Variants in AKAP13 observed in about 807,000 individuals in gnomAD.
AKAP13 encodes the protein A-kinase anchoring protein 13, also known as A-kinase anchor protein 13.
A neutral mutation model predicts 264.5 loss-of-function variants in AKAP13; 80 were observed. That is an observed-to-expected ratio of 0.30 (90% CI 0.25 to 0.36). AKAP13 has a LOEUF of 0.36. AKAP13 is among the 10% of genes least tolerant of loss of function. The probability of loss-of-function intolerance (pLI) is 1.00; values close to 1 mark genes in which losing one functional copy is unlikely to be tolerated. For missense variants in AKAP13, 3,712 were observed against 3,435.2 expected, an observed-to-expected ratio of 1.08 and a Z score of -2.01; for synonymous variants, 1,380 against 1,250.2, an observed-to-expected ratio of 1.10 and a Z score of -2.19.
At chr15:85,639,323 T>TA in intron 8 of AKAP13, 51 bp from the exon 9 acceptor site, 1 of 1,337,114 alleles carries the variant, frequency 7.5e-7, no homozygotes. Context: ...CCTGTAAAAT[T>TA]ATCTCACATT....
At chr15:85,463,400 C>T (rs1003289543) in intron 1 of AKAP13, among the ~76,000 whole-genome samples, 1 of 152,182 alleles carries the variant, frequency 6.6e-6, no homozygotes, top group Non-Finnish European at 1.5e-5. Flanking sequence ...ACTTTCTTCT[C>T]CCCAATGATC....
Position 85,579,878 on chromosome 15 carries a change from T to A in AKAP13, c.1810T>A (p.Tyr604Asn). The change falls in exon 7 of 37, where the codon TAT becomes AAT. Residue 604 changes from tyrosine to asparagine, a missense_variant. Tyr to Asn is a moderately radical substitution (Grantham distance 143). This residue lies in a region of AKAP13 where 2,759 missense variants were observed against 2,411.7 expected (regional missense o/e 1.14). Coordinates refer to ENST00000394518, the MANE Select transcript of AKAP13 (RefSeq NM_007200.5). ...CAAGATTTCAGATGGATTAGAACCT[T>A]ATACTCTCTTAGCAGCAGGCATAGG... ...KDKISDGLEP[Y>N]TLLAAGIGEA... 6.2e-7 allele frequency: 1 copy of A among 1,614,198 alleles called. No individual in the cohort carries two copies. The highest frequency in any genetic ancestry group is 2.2e-5 in the East Asian group (1 of 44,888).
At chr15:85,533,009 C>T (rs1035468809) in intron 3 of AKAP13, among the ~76,000 whole-genome samples, 1 of 152,196 alleles carries the variant, frequency 6.6e-6, no homozygotes, top group Non-Finnish European at 1.5e-5. Flanking sequence ...AAAATCATTA[C>T]TTATTTTTTA....
At chr15:85,460,429 C>A (rs904215720) in intron 1 of AKAP13, among the ~76,000 whole-genome samples, 2 of 152,194 alleles carry the variant, frequency 1.3e-5, no homozygotes, top group African/African-American at 2.4e-5. Flanking sequence ...TATTCATGAA[C>A]CCTGTCACCC....
chr15:85,738,831 C>T (rs1324845664), intron 33 of AKAP13, among the ~76,000 whole-genome samples: 3 of 119,470 alleles, frequency 2.5e-5, no homozygotes, highest in South Asian at 2.5e-4. Context: ...GGCGACAGAG[C>T]GAGACTCCGT....
chr15:85,463,827 G>A (rs1022123405), intron 1 of AKAP13, among the ~76,000 whole-genome samples: 3 of 151,630 alleles, frequency 2.0e-5, no homozygotes, highest in Admixed American at 2.0e-4. Context: ...TTTCCCCCTG[G>A]GTGATGTTGC....
chr15:85,594,937 G>GT (rs946304074), intron 8 of AKAP13, among the ~76,000 whole-genome samples: 23 of 152,256 alleles, frequency 1.5e-4, no homozygotes, highest in African/African-American at 5.3e-4. Flanking sequence ...TCCAGAAAAA[G>GT]TTTCAGGGTC....
chr15:85,402,881 T>C (rs928261529), intron 1 of AKAP13, among the ~76,000 whole-genome samples: 1 of 152,260 alleles, frequency 6.6e-6, no homozygotes, highest in Admixed American at 6.5e-5. Flanking sequence ...TTCTTTATTA[T>C]GTTCACCTGC....
At chr15:85,666,336 G>A (rs867253487) in intron 13 of AKAP13, among the ~76,000 whole-genome samples, 1 of 151,938 alleles carries the variant, frequency 6.6e-6, no homozygotes, top group Middle Eastern at 3.4e-3. Context: ...TTTGAGAAGT[G>A]TCTGTTCATA....
intron 1 of AKAP13, among the ~76,000 whole-genome samples, chr15:85,392,606 G>T: frequency 6.6e-6 from 1 of 152,014 alleles, no homozygotes; most frequent in Admixed American, 6.6e-5. Flanking sequence ...AGGTTTTGCC[G>T]TGTTGCCTAG....
chr15:85,707,741 G>A lies in AKAP13; in HGVS notation c.5465-278G>A, dbSNP rs774517912. On this transcript the variant is annotated intron_variant, in intron 17 of 36. Transcript: ENST00000394518. Reference sequence around the variant, plus strand: ...CCCTTCCCATCAGATCACTTGAGTCGTTGTTCCTCTCATTAAGCTGTAATC... The same window carrying A: ...CCCTTCCCATCAGATCACTTGAGTCATTGTTCCTCTCATTAAGCTGTAATC... Among the ~76,000 whole-genome samples the A allele has an allele frequency of 6.0e-4, 91 of 151,732 alleles. 1 individual carries two copies. The highest frequency in any genetic ancestry group is 5.3e-3 in the Admixed American group (81 of 15,214).
At chr15:85,412,478 T>C (rs12914132) in intron 1 of AKAP13, among the ~76,000 whole-genome samples, 83,358 of 152,048 alleles carry the variant, frequency 0.55, 23,715 homozygotes, top group African/African-American at 0.66. Flanking sequence ...GTTCTTATTT[T>C]TGTTTTGTTT....
intron 13 of AKAP13, 79 bp downstream of exon 13, chr15:85,664,834 TA>T: frequency 7.5e-7 from 1 of 1,340,640 alleles, no homozygotes; most frequent in South Asian, 1.4e-5. Flanking sequence ...TCTGGTAGTA[TA>T]AGGCTAGTAG....
At chr15:85,605,817 AT>A (rs757107920) in intron 8 of AKAP13, among the ~76,000 whole-genome samples, 123 of 152,308 alleles carry the variant, frequency 8.1e-4, no homozygotes, top group East Asian at 1.3e-3. Flanking sequence ...TGTACTTTAA[AT>A]ATACATAACT....
At position 85,537,846 on chromosome 15, in the gene AKAP13, T is replaced by G. The variant is rs2077452294; in HGVS notation, c.478+3966T>G. Among the ~76,000 whole-genome samples the G allele has an allele frequency of 2.6e-5, 4 of 152,220 alleles. No individual in the cohort carries two copies. The South Asian group carries it at 8.3e-4, about 31-fold the overall frequency. On this transcript the variant is annotated intron_variant, in intron 4 of 36. Transcript: ENST00000394518. The stretch of plus-strand genomic sequence containing the variant: ...ATGTACCATTTGGAGACACAAAACA[T>G]TGATGTTTTACTTGTTACAAAAATT...
intron 1 of AKAP13, chr15:85,381,657 A>G (rs4842879): frequency 0.15 from 22,687 of 151,486 alleles, 2,371 homozygotes; most frequent in South Asian, 0.34. Context: ...TTCTTATAGC[A>G]GAGTGATACC....
chr15:85,505,614 C>G (rs182604555), intron 2 of AKAP13, among the ~76,000 whole-genome samples: 34 of 152,032 alleles, frequency 2.2e-4, no homozygotes, highest in African/African-American at 8.0e-4. Flanking sequence ...AAGTCTTTAT[C>G]TGGAATGACT....
intron 1 of AKAP13, among the ~76,000 whole-genome samples, chr15:85,483,761 A>G (rs2075431467): frequency 6.6e-6 from 1 of 151,822 alleles, no homozygotes; most frequent in African/African-American, 2.4e-5. Context: ...CAGTGAGCCA[A>G]GATTGTGCCA....
chr15:85,646,682 G>A (rs1481073616), intron 10 of AKAP13, among the ~76,000 whole-genome samples: 1 of 152,144 alleles, frequency 6.6e-6, no homozygotes, highest in African/African-American at 2.4e-5. Context: ...GAAGCTTCCT[G>A]CTGAGTGTGG....
Sources: gnomAD v4.1 joint callset for allele counts (sites outside exome capture counted in the v4.1 genomes callset) on GRCh38, gnomAD v4.1.1 for gene constraint, gnomAD v4.1.1 regional missense constraint, MANE v1.5 for transcripts, NCBI Gene and HGNC (gene_info 2026-07-23, HGNC 2026-07-21) for gene names.